Variants in IL2RB observed in about 807,000 individuals in gnomAD.
IL2RB encodes interleukin 2 receptor subunit beta.
In IL2RB, 17 loss-of-function variants were observed where a neutral mutation model predicts 44.2. That is an observed-to-expected ratio of 0.38 (90% CI 0.26 to 0.58). The LOEUF is 0.58. Ranked by LOEUF, IL2RB falls within the 20% of genes least tolerant of loss-of-function variation. IL2RB has a pLI of 0.63. For missense variants in IL2RB, 624 were observed against 685.5 expected, an observed-to-expected ratio of 0.91 and a Z score of 1.00; for synonymous variants, 286 against 297.9, an observed-to-expected ratio of 0.96 and a Z score of 0.41.
At chr22:37,142,406 G>A (rs1240324630) in intron 4 of IL2RB, 28 bp downstream of exon 4, 1 of 1,603,102 alleles carries the variant, frequency 6.2e-7, no homozygotes, top group African/African-American at 1.3e-5. Flanking sequence ...CCCTCTCCCT[G>A]CACTCTCTCC....
rs143408413 is a variant in IL2RB, at chr22:37,136,997, T to A, written c.537+590A>T. On this transcript the variant is annotated intron_variant, in intron 6 of 9. Coordinates refer to ENST00000216223, the MANE Select transcript of IL2RB (RefSeq NM_000878.5). ...AGTCACTGTCAAATTCCTTGCCCCG[T>A]TGGGTTTTCTTGATGGAACTTATCA... 1.2e-4 allele frequency among the ~76,000 whole-genome samples: 18 copies of A among 152,218 alleles called. No individual in the cohort carries two copies. The East Asian group carries it at 2.7e-3, about 23-fold the overall frequency.
At chr22:37,143,148 G>A (rs1003693) in intron 3 of IL2RB, among the ~76,000 whole-genome samples, 27,426 of 151,856 alleles carry the variant, frequency 0.18, 2,913 homozygotes, top group East Asian at 0.34. Flanking sequence ...CTCAAAATCC[G>A]AGCTTATCCA....
At position 37,128,054 on chromosome 22, in the gene IL2RB, C is replaced by A; in HGVS notation, c.*42G>T. On this transcript the variant is annotated 3_prime_UTR_variant, in exon 10 of 10. Transcript: ENST00000216223. This position sits in a 1 kb window ranked among gnomAD's most constrained non-coding sequence, Gnocchi z 4.5. ...TCAACAGGGTCCTTCTGAGGCTCGG[C>A]GCAGAGCAGGCAGCTGCCTGCCTCC... The A allele has an allele frequency of 6.8e-7, 1 of 1,461,150 alleles. No individual in the cohort carries two copies. The highest frequency in any genetic ancestry group is 1.5e-5 in the African/African-American group (1 of 68,572). 90.5% of individuals were successfully genotyped at this position (1,461,150 alleles called of 1,614,324 possible). A position where few individuals can be genotyped will look rare whatever the true frequency, so the allele number is the denominator to read the frequency against.
intron 4 of IL2RB, 105 bp downstream of exon 4, chr22:37,142,329 A>C: frequency 9.5e-7 from 1 of 1,047,678 alleles, no homozygotes; most frequent in Non-Finnish European, 1.5e-6. Flanking sequence ...AGCCCCAGCC[A>C]TTGGGCCTCA....
At chr22:37,143,469 G>A (rs1307987984) in intron 3 of IL2RB, 52 bp downstream of exon 3, 1 of 1,238,202 alleles carries the variant, frequency 8.1e-7, no homozygotes, top group South Asian at 1.2e-5. Flanking sequence ...ATAGGATCCA[G>A]AATATGAGAT....
At chr22:37,173,292 G>T (rs1324890391) in intron 1 of IL2RB, among the ~76,000 whole-genome samples, 1 of 152,144 alleles carries the variant, frequency 6.6e-6, no homozygotes, top group African/African-American at 2.4e-5. Flanking sequence ...CTGTGACTGT[G>T]TAATGTCTCT....
rs1299121140 is a variant in IL2RB, at chr22:37,126,414, G to A, written c.*1682C>T. 1 of 152,158 alleles carries A rather than the reference G, an allele frequency of 6.6e-6. No homozygotes were observed. The highest frequency in any genetic ancestry group is 1.5e-5 in the Non-Finnish European group (1 of 68,012). The allele number at this position is 152,158 out of a possible 1,614,324, so 9.4% of individuals were successfully genotyped here. A position where few individuals can be genotyped will look rare whatever the true frequency, so the allele number is the denominator to read the frequency against. ...GGAACCCAAGGTCCTCTGCTTAGTG[G>A]CTCAACGCTTGTCTACCTTTCCAAG... is the stretch of plus-strand genomic sequence containing the variant. On this transcript the variant is annotated 3_prime_UTR_variant, in exon 10 of 10. Transcript: ENST00000216223.
At chr22:37,135,900 G>A (rs1410880902) in intron 7 of IL2RB, among the ~76,000 whole-genome samples, 5 of 152,150 alleles carry the variant, frequency 3.3e-5, no homozygotes, top group African/African-American at 1.2e-4. Flanking sequence ...CTGCCTCACG[G>A]TCACTGTACC....
intron 8 of IL2RB, among the ~76,000 whole-genome samples, chr22:37,134,894 C>T (rs937642316): frequency 1.4e-4 from 22 of 152,304 alleles, no homozygotes; most frequent in African/African-American, 4.8e-4. Flanking sequence ...GCAGCTCGTA[C>T]TCAGTGAATA....
At position 37,141,227 on chromosome 22, in the gene IL2RB, G is replaced by T. The variant is rs1921954532; in HGVS notation, c.282+1207C>A. ...GCCAGGTGTCCCTGCACTCTCAGGG[G>T]CCCTGGTCCAAACCCAAGCCTCCAG... On this transcript the variant is annotated intron_variant, in intron 4 of 9. Coordinates refer to ENST00000216223, the MANE Select transcript of IL2RB (RefSeq NM_000878.5). This position sits in a 1 kb window ranked among gnomAD's most constrained non-coding sequence, Gnocchi z 4.4. 6.6e-6 allele frequency among the ~76,000 whole-genome samples: 1 copy of T among 151,700 alleles called. No homozygotes were observed. Among genetic ancestry groups the T allele is most frequent in the Admixed American group, 6.6e-5 (1 of 15,246 alleles).
intron 1 of IL2RB, among the ~76,000 whole-genome samples, chr22:37,170,017 TGGAG>T (rs1469448137): frequency 6.7e-6 from 1 of 150,244 alleles, no homozygotes; most frequent in East Asian, 2.0e-4. Flanking sequence ...GGGGGGATCA[TGGAG>T]GGAATGATGG....
chr22:37,136,181 GC>G, intron 7 of IL2RB, 46 bp downstream of exon 7: 4 of 1,563,514 alleles, frequency 2.6e-6, no homozygotes, highest in Non-Finnish European at 1.7e-6. Context: ...TCCTCCAGCC[GC>G]CCCCTCCTGC....
intron 8 of IL2RB, among the ~76,000 whole-genome samples, chr22:37,132,906 T>C (rs906753763): frequency 1.3e-5 from 2 of 151,938 alleles, no homozygotes; most frequent in African/African-American, 4.8e-5. Context: ...CCATGGATGG[T>C]GGTTCAGGTT....
At chr22:37,137,115 G>T (rs575605346) in intron 6 of IL2RB, among the ~76,000 whole-genome samples, 6 of 152,324 alleles carry the variant, frequency 3.9e-5, no homozygotes, top group Admixed American at 3.3e-4. Context: ...CCTGAGAGTG[G>T]AAGTTTGCTG....
At chr22:37,160,197 C>T (rs1026399856) in intron 1 of IL2RB, among the ~76,000 whole-genome samples, 2 of 152,266 alleles carry the variant, frequency 1.3e-5, no homozygotes, top group Non-Finnish European at 2.9e-5. Flanking sequence ...GGCCAGGACA[C>T]TGATTGGCTG....
At chr22:37,160,173 C>T (rs545226133) in intron 1 of IL2RB, among the ~76,000 whole-genome samples, 43 of 152,388 alleles carry the variant, frequency 2.8e-4, no homozygotes, top group African/African-American at 9.9e-4. Flanking sequence ...CACAACACAA[C>T]CCAGTGTCTG....
In IL2RB at chr22:37,141,049, G is replaced by A. The variant is rs193015201; in HGVS notation, c.282+1385C>T. ...GCGTAGCTGGGGTCTCCTGCTCCACGGAGCAGGTAGGAGCCCTGCCCTCCC... is the reference window on the plus strand; with the variant it reads ...GCGTAGCTGGGGTCTCCTGCTCCACAGAGCAGGTAGGAGCCCTGCCCTCCC... On this transcript the variant is annotated intron_variant, in intron 4 of 9. Coordinates refer to ENST00000216223, the MANE Select transcript of IL2RB (RefSeq NM_000878.5). This position sits in a 1 kb window ranked among gnomAD's most constrained non-coding sequence, Gnocchi z 4.4. Among the ~76,000 whole-genome samples, 98 of 152,266 alleles carry A rather than the reference G, an allele frequency of 6.4e-4. No homozygotes were observed. The East Asian group carries it at 0.017, about 26-fold the overall frequency.
Position 37,141,662 on chromosome 22 carries a change from G to A in IL2RB, c.282+772C>T, listed in dbSNP as rs905904254. Among the ~76,000 whole-genome samples the A allele has an allele frequency of 3.4e-4, 52 of 152,294 alleles. No homozygotes were observed. Among genetic ancestry groups the A allele is most frequent in the Non-Finnish European group, 5.4e-4 (37 of 68,014 alleles). ...CCAGTGCCCACTCCAATCTCAGAGC[G>A]GGACCAAGCCCAGGCACTACCACAG... On this transcript the variant is annotated intron_variant, in intron 4 of 9. Coordinates refer to ENST00000216223, the MANE Select transcript of IL2RB (RefSeq NM_000878.5). The surrounding 1 kb of genome is among the most constrained non-coding windows in gnomAD (Gnocchi z 4.4).
At chr22:37,135,918 C>T (rs113610665) in intron 7 of IL2RB, among the ~76,000 whole-genome samples, 1 of 152,190 alleles carries the variant, frequency 6.6e-6, no homozygotes, top group South Asian at 2.1e-4. Flanking sequence ...ACCCATTTCA[C>T]AGATCAGGCC....
Sources: allele counts gnomAD v4.1 joint callset (sites outside exome capture counted in the v4.1 genomes callset), GRCh38; gene constraint gnomAD v4.1.1; non-coding constraint Gnocchi (gnomAD v3.1); transcripts MANE v1.5; gene names NCBI Gene and HGNC (gene_info 2026-07-23, HGNC 2026-07-21).